Variants in CACNA1H observed in about 807,000 individuals in gnomAD.
The protein encoded by CACNA1H is voltage-dependent T-type calcium channel subunit alpha-1H.
CACNA1H carries 149 observed loss-of-function variants against 192.5 expected under a neutral mutation model. The observed-to-expected ratio is 0.77, with a 90% CI of 0.68 to 0.89. The LOEUF (loss-of-function observed/expected upper bound fraction) is 0.89, where lower values mean the gene tolerates loss of function less well. CACNA1H is among the 40% of genes least tolerant of loss of function. CACNA1H has a pLI of 0.00. For missense variants in CACNA1H, 4,257 were observed against 3,423.5 expected (o/e 1.24, Z -6.08); for synonymous variants, 2,202 against 1,475.2 (o/e 1.49, Z -11.29).
At position 1,186,755 on chromosome 16, in the gene CACNA1H, C is replaced by T. The variant is rs573499862; in HGVS notation, c.300-8217C>T. ...TAATGCTTCCTGGCCGGTGAATGTG[C>T]CACGGCAGTGGAGATATTCTGCCCT... On this transcript the variant is annotated intron_variant, in intron 2 of 34. Coordinates refer to ENST00000348261, the MANE Select transcript of CACNA1H (RefSeq NM_021098.3). Among the ~76,000 whole-genome samples, 7 of 152,312 alleles carry T rather than the reference C, an allele frequency of 4.6e-5. No individual in the cohort carries two copies. In the South Asian group the frequency reaches 1.2e-3, roughly 27 times the overall value.
At position 1,204,821 on chromosome 16, in the gene CACNA1H, C is replaced by T. The variant is rs71384634; in HGVS notation, c.2452-293C>T. Reference sequence around the variant, plus strand: ...CAGTGCCGGGGAGGGGTGGGAGCCGCGGGTGGGGCCCCAGATCAGTGCCGG... The same window carrying T: ...CAGTGCCGGGGAGGGGTGGGAGCCGTGGGTGGGGCCCCAGATCAGTGCCGG... On this transcript the variant is annotated intron_variant, in intron 10 of 34. Coordinates refer to ENST00000348261, the MANE Select transcript of CACNA1H (RefSeq NM_021098.3). 0.073 allele frequency among the ~76,000 whole-genome samples: 4,842 copies of T among 66,630 alleles called. 79 individuals carry two copies. Among genetic ancestry groups the T allele is most frequent in the Non-Finnish European group, 0.11 (3,230 of 30,684 alleles). 43.7% of individuals were successfully genotyped at this position (66,630 alleles called of 152,430 possible).
In CACNA1H at chr16:1,207,077, AACTTCGACT is replaced by A; in HGVS notation, c.2867_2875del (p.Asn956_Ser959delinsThr). 6.2e-7 allele frequency: 1 copy of A among 1,601,860 alleles called. No individual in the cohort carries two copies. Among genetic ancestry groups the A allele is most frequent in the Non-Finnish European group, 8.5e-7 (1 of 1,174,230 alleles). The stretch of plus-strand genomic sequence containing the variant: ...CGGAGACACCGTGCCTGACAGGAAG[AACTTCGACT>A]CCCTGCTGTGGGCCATCGTCACCGT... On this transcript the variant is annotated inframe_deletion, in exon 13 of 35. Coordinates refer to ENST00000348261, the MANE Select transcript of CACNA1H (RefSeq NM_021098.3).
At chr16:1,158,103 C>T (rs1311133487) in intron 2 of CACNA1H, 1 of 152,312 alleles carries the variant, frequency 6.6e-6, no homozygotes, top group Admixed American at 6.5e-5. Flanking sequence ...GTTCCTGGGA[C>T]AGGTGTGGGT....
chr16:1,153,925 G>A lies in CACNA1H; in HGVS notation c.188G>A (p.Gly63Asp). Residue 63 changes from glycine to aspartate, a missense_variant, in exon 2 of 35, where the codon GGT becomes GAT. Physicochemically the swap from Gly to Asp is moderately conservative, Grantham distance 94. Transcript: ENST00000348261. ...GCGGCCGAGCGCGGCGCGGAGCTGG[G>A]TGCCGACGAGGAGCAGCGCGTCCCG... ...SPAAERGAEL[G>D]ADEEQRVPYP... The A allele has an allele frequency of 6.9e-7, 1 of 1,457,862 alleles. No individual in the cohort carries two copies. Among genetic ancestry groups the A allele is most frequent in the Non-Finnish European group, 9.0e-7 (1 of 1,106,090 alleles). The allele number at this position is 1,457,862 out of a possible 1,614,324, so 90.3% of individuals were successfully genotyped here. A position where few individuals can be genotyped will look rare whatever the true frequency, so the allele number is the denominator to read the frequency against.
intron 2 of CACNA1H, among the ~76,000 whole-genome samples, chr16:1,155,607 ACT>A (rs1962242427): frequency 6.6e-6 from 1 of 151,590 alleles, no homozygotes; most frequent in African/African-American, 2.4e-5. Context: ...GCAAGCCTGG[ACT>A]CTCTCCTCAC....
chr16:1,154,366 C>T (rs1257484171), intron 2 of CACNA1H, among the ~76,000 whole-genome samples: 2 of 152,146 alleles, frequency 1.3e-5, no homozygotes, highest in Non-Finnish European at 2.9e-5. Context: ...CTCGCGGCCC[C>T]AAGGGTGTTG....
At position 1,198,933 on chromosome 16, in the gene CACNA1H, T is replaced by C. The variant is rs1477745149; in HGVS notation, c.803+159T>C. The C allele has an allele frequency of 2.6e-4, 170 of 659,632 alleles. 1 individual carries two copies. Among genetic ancestry groups the C allele is most frequent in the Non-Finnish European group, 4.0e-4 (159 of 394,896 alleles). The allele number at this position is 659,632 out of a possible 1,614,324, so 40.9% of individuals were successfully genotyped here. ...CGTCATGGCTCCGTCCACCATGCTG[T>C]CTCCCGCCCCCACCCCCCATCATGG... On this transcript the variant is annotated intron_variant, in intron 6 of 34. Coordinates refer to ENST00000348261, the MANE Select transcript of CACNA1H (RefSeq NM_021098.3).
At chr16:1,168,846 C>G (rs972064043) in intron 2 of CACNA1H, among the ~76,000 whole-genome samples, 2 of 144,760 alleles carry the variant, frequency 1.4e-5, no homozygotes, top group African/African-American at 4.9e-5. Flanking sequence ...ATCGGGTACT[C>G]CCTCCTCCTC....
intron 2 of CACNA1H, among the ~76,000 whole-genome samples, chr16:1,179,656 T>C (rs1965268017): frequency 6.6e-6 from 1 of 151,798 alleles, no homozygotes; most frequent in African/African-American, 2.4e-5. Flanking sequence ...CTTGAACTCC[T>C]GACCTCAAGT....
Position 1,209,303 on chromosome 16 carries a change from C to A in CACNA1H, c.3635C>A (p.Thr1212Asn), listed in dbSNP as rs1193751474. 1.1e-5 allele frequency: 18 copies of A among 1,594,914 alleles called. No homozygotes were observed. The highest frequency in any genetic ancestry group is 2.7e-5 in the African/African-American group (2 of 74,934). ...RPLRPAALPPTKCRDRDGQVV... is the reference protein window; with the variant it reads ...RPLRPAALPPNKCRDRDGQVV... ...CTGCGGCCGGCCGCCCTCCCGCCTA[C>A]CAAGTGCCGCGATCGCGACGGGCAG... is the stretch of plus-strand genomic sequence containing the variant. Residue 1212 changes from threonine to asparagine, a missense_variant, in exon 17 of 35, where the codon ACC becomes AAC. Physicochemically the swap from Thr to Asn is moderately conservative, Grantham distance 65 (BLOSUM62 0). Coordinates refer to ENST00000348261, the MANE Select transcript of CACNA1H (RefSeq NM_021098.3).
At position 1,210,089 on chromosome 16, in the gene CACNA1H, C is replaced by G; in HGVS notation, c.3799C>G (p.Arg1267Gly). Residue 1267 changes from arginine (R) to glycine (G), a missense_variant, in exon 18 of 35, where the codon CGG becomes GGG. Transcript: ENST00000348261. ...GGAGCCCTACAAGCCCCAGTGGTGC[C>G]GGAGCCGCGAGGCCTGGGCCCTCTA... is the stretch of plus-strand genomic sequence containing the variant. ...VLEPYKPQWC[R>G]SREAWALYLF... 6.4e-7 allele frequency: 1 copy of G among 1,559,972 alleles called. No individual in the cohort carries two copies. The highest frequency in any genetic ancestry group is 1.4e-5 in the African/African-American group (1 of 73,384).
intron 31 of CACNA1H, 138 bp downstream of exon 31, chr16:1,217,148 A>T: frequency 1.4e-6 from 1 of 707,020 alleles, no homozygotes; most frequent in Non-Finnish European, 2.3e-6. Context: ...GGGCGTCCTC[A>T]CCCGGCCCTG....
At position 1,177,043 on chromosome 16, in the gene CACNA1H, C is replaced by T. The variant is rs1053436400; in HGVS notation, c.300-17929C>T. On this transcript the variant is annotated intron_variant, in intron 2 of 34. Transcript: ENST00000348261. ...CCTCCCCCCAGGAGCTTCCCCCAGG[C>T]CCTCCGCACCTTCTCTGAACCCTAC... 9.7e-4 allele frequency among the ~76,000 whole-genome samples: 148 copies of T among 152,268 alleles called. 1 individual carries two copies. The highest frequency in any genetic ancestry group is 1.3e-3 in the Non-Finnish European group (91 of 68,010).
chr16:1,206,726 G>C (rs1279471529), intron 12 of CACNA1H: 2 of 479,854 alleles, frequency 4.2e-6, no homozygotes, highest in African/African-American at 3.9e-5. Flanking sequence ...CCAGGTTCCA[G>C]TTGCCACCCA....
chr16:1,168,201 C>G (rs74482996), intron 2 of CACNA1H, among the ~76,000 whole-genome samples: 15,103 of 151,952 alleles, frequency 0.099, 917 homozygotes, highest in Non-Finnish European at 0.13. Context: ...GATCCCCCCC[C>G]CCAAGTGACA....
At chr16:1,191,841 T>C (rs1966649185) in intron 2 of CACNA1H, among the ~76,000 whole-genome samples, 1 of 141,020 alleles carries the variant, frequency 7.1e-6, no homozygotes, top group African/African-American at 2.7e-5. Flanking sequence ...CTGGCCTGGT[T>C]GTGTGGCCTC....
intron 2 of CACNA1H, among the ~76,000 whole-genome samples, chr16:1,156,137 G>A (rs946980930): frequency 1.3e-5 from 2 of 152,168 alleles, no homozygotes; most frequent in Non-Finnish European, 1.5e-5. Flanking sequence ...CCTGCGGCAC[G>A]GCAGGACCCC....
At chr16:1,171,650 G>A (rs943401960) in intron 2 of CACNA1H, among the ~76,000 whole-genome samples, 2 of 152,148 alleles carry the variant, frequency 1.3e-5, no homozygotes, top group African/African-American at 2.4e-5. Context: ...TGCCAAGGCC[G>A]CCTGGGGGCT....
In CACNA1H at chr16:1,215,604, C is replaced by T. The variant is rs1373622913; in HGVS notation, c.5244+11C>T. 6.2e-7 allele frequency: 1 copy of T among 1,606,414 alleles called. No individual in the cohort carries two copies. Among genetic ancestry groups the T allele is most frequent in the South Asian group, 1.1e-5 (1 of 89,832 alleles). On this transcript the variant is annotated intron_variant, in intron 30 of 34. Transcript: ENST00000348261. The stretch of plus-strand genomic sequence containing the variant: ...CAAGCTCTCCCCCAGGTAGGTGGAG[C>T]CCGCGCCATCCTCAGCGCAGGCCCC...
Sources: gnomAD v4.1 joint callset for allele counts (sites outside exome capture counted in the v4.1 genomes callset) on GRCh38, gnomAD v4.1.1 for gene constraint, MANE v1.5 for transcripts, NCBI Gene and HGNC (gene_info 2026-07-23, HGNC 2026-07-21) for gene names.